The following ENOX1 variants were observed in gnomAD, a reference collection of about 807,000 sequenced individuals.
ENOX1 encodes the protein ecto-NOX disulfide-thiol exchanger 1.
A neutral mutation model predicts 82.5 loss-of-function variants in ENOX1; 42 were observed. The observed-to-expected ratio is 0.51, with a 90% CI of 0.40 to 0.66. ENOX1 has a LOEUF of 0.66. Among genes scored for constraint, ENOX1 ranks in the 30% least tolerant of loss-of-function variants. ENOX1 has a pLI of 0.00. For missense variants in ENOX1, 608 were observed against 811.6 expected, an observed-to-expected ratio of 0.75 and a Z score of 3.05; for synonymous variants, 271 against 282.2, an observed-to-expected ratio of 0.96 and a Z score of 0.40.
At chr13:43,756,770 C>CA (rs1566886204) in intron 1 of ENOX1, among the ~76,000 whole-genome samples, 1 of 151,802 alleles carries the variant, frequency 6.6e-6, no homozygotes, top group Non-Finnish European at 1.5e-5. Flanking sequence ...ATGCATGTTA[C>CA]AAAAAAGATG....
At chr13:43,684,250 T>C (rs1305635795) in intron 1 of ENOX1, among the ~76,000 whole-genome samples, 1 of 152,174 alleles carries the variant, frequency 6.6e-6, no homozygotes, top group Admixed American at 6.6e-5. Flanking sequence ...AGCAGTGATA[T>C]TTTAATAACT....
intron 2 of ENOX1, among the ~76,000 whole-genome samples, chr13:43,663,427 A>C (rs17064843): frequency 0.05 from 7,637 of 152,136 alleles, 603 homozygotes; most frequent in African/African-American, 0.17. Flanking sequence ...CCTCTGTTTC[A>C]TTTAGAATGT....
At chr13:43,373,806 G>A (rs191920337) in intron 5 of ENOX1, among the ~76,000 whole-genome samples, 5 of 152,268 alleles carry the variant, frequency 3.3e-5, no homozygotes, top group Admixed American at 3.3e-4. Flanking sequence ...TTCCAGGGGC[G>A]AATTTTTCAG....
At chr13:43,614,332 G>T (rs958009605) in intron 2 of ENOX1, among the ~76,000 whole-genome samples, 2 of 152,140 alleles carry the variant, frequency 1.3e-5, no homozygotes, top group African/African-American at 4.8e-5. Flanking sequence ...TGCTGAAAGG[G>T]TTGTCACTAC....
chr13:43,470,470 G>A (rs2058023085), intron 3 of ENOX1, among the ~76,000 whole-genome samples: 1 of 144,358 alleles, frequency 6.9e-6, no homozygotes, highest in Non-Finnish European at 1.5e-5. Context: ...AACCATGAAA[G>A]AAAAAGAAAG....
intron 12 of ENOX1, among the ~76,000 whole-genome samples, chr13:43,279,503 G>A (rs2153489481): frequency 6.6e-6 from 1 of 152,260 alleles, no homozygotes; most frequent in South Asian, 2.1e-4. Flanking sequence ...AAGTGGTTTG[G>A]AAGGCTCTAA....
intron 1 of ENOX1, among the ~76,000 whole-genome samples, chr13:43,708,883 A>G (rs1444531494): frequency 6.6e-6 from 1 of 152,212 alleles, no homozygotes; most frequent in Admixed American, 6.5e-5. Flanking sequence ...ACATAAAAAA[A>G]TTCTGCTCTT....
rs149427296 is a variant in ENOX1 at position 43,360,011 on chromosome 13, G to C, written c.429C>G (p.Thr143=). The C allele has an allele frequency of 6.2e-7, 1 of 1,614,138 alleles. No individual in the cohort carries two copies. The highest frequency in any genetic ancestry group is 2.2e-5 in the East Asian group (1 of 44,868). The part of the protein sequence containing the change: ...STRERPPGCK[T]VFVGGLPENA... ...TTTCTGGTAATCCTCCGACAAACACGGTCTTACACCCAGGAGGTCGTTCTC... is the reference window on the plus strand; with the variant it reads ...TTTCTGGTAATCCTCCGACAAACACCGTCTTACACCCAGGAGGTCGTTCTC... Residue 143 remains threonine, a synonymous_variant, in exon 7 of 17, where the codon ACC becomes ACG. Coordinates refer to ENST00000690772, the MANE Select transcript of ENOX1 (RefSeq NM_001347969.2).
intron 2 of ENOX1, among the ~76,000 whole-genome samples, chr13:43,643,769 AT>A (rs1277328027): frequency 6.6e-6 from 1 of 152,072 alleles, no homozygotes; most frequent in Non-Finnish European, 1.5e-5. Flanking sequence ...GCAAATCAAG[AT>A]TACATACCAA....
chr13:43,353,655 A>G (rs768537689), intron 8 of ENOX1, among the ~76,000 whole-genome samples: 1 of 152,206 alleles, frequency 6.6e-6, no homozygotes, highest in African/African-American at 2.4e-5. Flanking sequence ...AATGCTGTTT[A>G]TATTCCAAAC....
chr13:43,268,850 T>C (rs2044527768), intron 13 of ENOX1, among the ~76,000 whole-genome samples: 1 of 152,194 alleles, frequency 6.6e-6, no homozygotes, highest in African/African-American at 2.4e-5. Flanking sequence ...CTCATGTAGA[T>C]AGTGGGCTTA....
chr13:43,642,011 G>A (rs1323017717), intron 2 of ENOX1, among the ~76,000 whole-genome samples: 3 of 152,056 alleles, frequency 2.0e-5, no homozygotes, highest in Non-Finnish European at 4.4e-5. Context: ...TTTGTAAGGT[G>A]CTTTTCATCA....
intron 14 of ENOX1, among the ~76,000 whole-genome samples, chr13:43,253,813 C>T (rs1364254267): frequency 2.6e-5 from 4 of 151,692 alleles, no homozygotes; most frequent in Non-Finnish European, 4.4e-5. Context: ...CTGCTTCTGT[C>T]CACCTTTTGG....
chr13:43,487,017 A>G (rs1306500586), intron 2 of ENOX1, among the ~76,000 whole-genome samples: 1 of 152,120 alleles, frequency 6.6e-6, no homozygotes, highest in Non-Finnish European at 1.5e-5. Flanking sequence ...TACTAAATAC[A>G]AAAATTAGCC....
chr13:43,654,360 T>C (rs1266124367), intron 2 of ENOX1, among the ~76,000 whole-genome samples: 3 of 152,202 alleles, frequency 2.0e-5, no homozygotes, highest in Non-Finnish European at 1.5e-5. Flanking sequence ...TGCCCTGTGA[T>C]TTTTGGACTT....
chr13:43,557,880 A>G (rs1009769557), intron 2 of ENOX1, among the ~76,000 whole-genome samples: 13 of 152,228 alleles, frequency 8.5e-5, no homozygotes, highest in African/African-American at 2.2e-4. Flanking sequence ...GAAAAAAGAT[A>G]TACGAAGATT....
At chr13:43,264,356 G>C (rs190550691) in intron 14 of ENOX1, among the ~76,000 whole-genome samples, 1 of 152,168 alleles carries the variant, frequency 6.6e-6, no homozygotes, top group African/African-American at 2.4e-5. Context: ...TAACTCAGTT[G>C]TAAGTTCCCC....
intron 1 of ENOX1, among the ~76,000 whole-genome samples, chr13:43,735,590 G>A (rs1463581316): frequency 6.6e-6 from 1 of 152,006 alleles, no homozygotes; most frequent in Non-Finnish European, 1.5e-5. Flanking sequence ...GCCTGGCAGC[G>A]TGCGCCTGTA....
rs2041275155 is a variant in ENOX1, at chr13:43,213,387, A to G, written c.*603T>C. 1 of 152,118 alleles carries G rather than the reference A, an allele frequency of 6.6e-6. No individual in the cohort carries two copies. Among genetic ancestry groups the G allele is most frequent in the African/African-American group, 2.4e-5 (1 of 41,442 alleles). 9.4% of individuals were successfully genotyped at this position (152,118 alleles called of 1,614,324 possible). On this transcript the variant is annotated 3_prime_UTR_variant, in exon 17 of 17. Coordinates refer to ENST00000690772, the MANE Select transcript of ENOX1 (RefSeq NM_001347969.2). Reference sequence around the variant, plus strand: ...AAGCATTCTCAATGTGTCCAATCATATTTTCTGCCTCTTCAATAAGGCAAA... The same window carrying G: ...AAGCATTCTCAATGTGTCCAATCATGTTTTCTGCCTCTTCAATAAGGCAAA...
Sources: allele counts gnomAD v4.1 joint callset (sites outside exome capture counted in the v4.1 genomes callset), GRCh38; gene constraint gnomAD v4.1.1; transcripts MANE v1.5; gene names NCBI Gene and HGNC (gene_info 2026-07-23, HGNC 2026-07-21).